Variants in SLC2A13 observed in about 807,000 individuals in gnomAD.
SLC2A13 encodes the protein solute carrier family 2 member 13, also known as proton myo-inositol cotransporter.
In SLC2A13, 32 loss-of-function variants were observed where a neutral mutation model predicts 64.4. The ratio of observed to expected loss-of-function variants is 0.50; its 90% confidence interval spans 0.37 to 0.67. SLC2A13 has a LOEUF of 0.67. Among genes scored for constraint, SLC2A13 ranks in the 30% least tolerant of loss-of-function variants. The pLI is 0.00. For synonymous variants in SLC2A13, 338 were observed against 327.1 expected, an observed-to-expected ratio of 1.03 and a Z score of -0.36; for missense variants, 743 against 829.2, an observed-to-expected ratio of 0.90 and a Z score of 1.28.
At chr12:39,809,899 G>C (rs1367732856) in intron 7 of SLC2A13, among the ~76,000 whole-genome samples, 1 of 152,128 alleles carries the variant, frequency 6.6e-6, no homozygotes, top group Non-Finnish European at 1.5e-5. Flanking sequence ...TCTTAATCCA[G>C]TCTATTATTG....
At chr12:39,850,371 T>C (rs1031740599) in intron 6 of SLC2A13, among the ~76,000 whole-genome samples, 8 of 152,210 alleles carry the variant, frequency 5.3e-5, no homozygotes, top group African/African-American at 1.9e-4. Context: ...CCTCTTGTAA[T>C]TGCTCTGCAG....
At chr12:39,884,810 C>T (rs1944430840) in intron 4 of SLC2A13, among the ~76,000 whole-genome samples, 1 of 152,054 alleles carries the variant, frequency 6.6e-6, no homozygotes. Context: ...TTTCTCATGT[C>T]CCAAGATTGA....
chr12:40,062,642 G>GA (rs1383248205), intron 1 of SLC2A13, among the ~76,000 whole-genome samples: 1 of 151,958 alleles, frequency 6.6e-6, no homozygotes, highest in Non-Finnish European at 1.5e-5. Flanking sequence ...ATTTCTAGAA[G>GA]AAAATTATAC....
intron 7 of SLC2A13, among the ~76,000 whole-genome samples, chr12:39,787,376 A>G (rs2135754897): frequency 1.3e-5 from 2 of 152,314 alleles, no homozygotes; most frequent in African/African-American, 4.8e-5. Flanking sequence ...AGCCCCAAGG[A>G]CAGAAAGGAA....
intron 1 of SLC2A13, among the ~76,000 whole-genome samples, chr12:40,093,058 C>T (rs1938819360): frequency 6.6e-6 from 1 of 152,208 alleles, no homozygotes; most frequent in Non-Finnish European, 1.5e-5. Context: ...CAAGTTCATC[C>T]TTGAGAGTCT....
At chr12:39,804,284 G>A (rs1469236864) in intron 7 of SLC2A13, among the ~76,000 whole-genome samples, 2 of 152,192 alleles carry the variant, frequency 1.3e-5, no homozygotes, top group East Asian at 3.9e-4. Flanking sequence ...AGTTATCAAG[G>A]ATAAATGTCA....
Position 40,051,659 on chromosome 12 carries a change from T to C in SLC2A13, c.557-3449A>G, listed in dbSNP as rs1353631057. 2.6e-5 allele frequency among the ~76,000 whole-genome samples: 4 copies of C among 151,802 alleles called. 1 individual carries two copies. Among genetic ancestry groups the C allele is most frequent in the Non-Finnish European group, 5.9e-5 (4 of 67,940 alleles). On this transcript the variant is annotated intron_variant, in intron 1 of 9. Coordinates refer to ENST00000280871, the MANE Select transcript of SLC2A13 (RefSeq NM_052885.4). The stretch of plus-strand genomic sequence containing the variant: ...TAGTGAATAAGTAAGTGAGAGTAGG[T>C]TGGAGATAGGGGAGAGTTGGGAGGT...
At chr12:40,073,207 G>A (rs1938030160) in intron 1 of SLC2A13, among the ~76,000 whole-genome samples, 1 of 133,200 alleles carries the variant, frequency 7.5e-6, no homozygotes, top group South Asian at 2.3e-4. Context: ...ATATAAATAA[G>A]CATAAACATA....
At chr12:40,063,792 C>A (rs1380315744) in intron 1 of SLC2A13, among the ~76,000 whole-genome samples, 1 of 151,972 alleles carries the variant, frequency 6.6e-6, no homozygotes, top group Non-Finnish European at 1.5e-5. Context: ...TCAGCTTACC[C>A]CAGAAAAATG....
intron 1 of SLC2A13, among the ~76,000 whole-genome samples, chr12:40,056,299 C>T (rs531723430): frequency 6.6e-6 from 1 of 151,976 alleles, no homozygotes; most frequent in Admixed American, 6.6e-5. Flanking sequence ...AAGAGAACAA[C>T]ACTGGATGAG....
chr12:40,029,038 T>A (rs1195477950), intron 2 of SLC2A13, among the ~76,000 whole-genome samples: 3 of 152,146 alleles, frequency 2.0e-5, no homozygotes, highest in African/African-American at 7.2e-5. Context: ...ATCATGTTCA[T>A]CATCATTAAC....
intron 1 of SLC2A13, among the ~76,000 whole-genome samples, chr12:40,104,545 G>A (rs1299364654): frequency 6.6e-6 from 1 of 152,086 alleles, no homozygotes; most frequent in Non-Finnish European, 1.5e-5. Flanking sequence ...GTTCCCAACT[G>A]GAAAGCAGGA....
At chr12:39,909,481 T>C (rs1488634483) in intron 4 of SLC2A13, among the ~76,000 whole-genome samples, 1 of 152,154 alleles carries the variant, frequency 6.6e-6, no homozygotes, top group Non-Finnish European at 1.5e-5. Flanking sequence ...AATATGTTCA[T>C]CTTTAATTTA....
At chr12:40,020,817 A>ACTAT (rs1390261718) in intron 3 of SLC2A13, among the ~76,000 whole-genome samples, 1 of 152,198 alleles carries the variant, frequency 6.6e-6, no homozygotes, top group Non-Finnish European at 1.5e-5. Flanking sequence ...TACGAAGCAG[A>ACTAT]CTATCACCTA....
intron 1 of SLC2A13, among the ~76,000 whole-genome samples, chr12:40,057,368 G>C (rs1039591684): frequency 5.3e-5 from 8 of 152,038 alleles, no homozygotes; most frequent in African/African-American, 1.9e-4. Context: ...TGATTTGCAA[G>C]GTTAATAAAA....
intron 4 of SLC2A13, among the ~76,000 whole-genome samples, chr12:39,889,502 C>T (rs1337780033): frequency 6.7e-5 from 10 of 150,220 alleles, no homozygotes; most frequent in Non-Finnish European, 1.3e-4. Context: ...GAGTAGAGGC[C>T]GACTTTACGC....
At chr12:39,903,845 G>T (rs1001224907) in intron 4 of SLC2A13, among the ~76,000 whole-genome samples, 1 of 152,094 alleles carries the variant, frequency 6.6e-6, no homozygotes. Context: ...GGAAAAGAAG[G>T]AAGATTGAGT....
In SLC2A13 at chr12:39,871,871, G is replaced by A. The variant is rs773186400; in HGVS notation, c.1125C>T (p.Phe375=). ...GCCAGACTCCCACAAGTGTGAAAAT[G>A]AAATTTGTGAAGGCTGTAACTGAAG... ...WLASVTAFTN[F]IFTLVGVWLV... Residue 375 remains phenylalanine (F), a synonymous_variant, in exon 5 of 10, where the codon TTC becomes TTT. Transcript: ENST00000280871. 1.9e-6 allele frequency: 3 copies of A among 1,612,392 alleles called. No homozygotes were observed. Among genetic ancestry groups the A allele is most frequent in the Admixed American group, 1.7e-5 (1 of 59,736 alleles).
chr12:40,038,414 G>T (rs1948025010), intron 2 of SLC2A13, among the ~76,000 whole-genome samples: 2 of 152,038 alleles, frequency 1.3e-5, no homozygotes, highest in African/African-American at 4.8e-5. Flanking sequence ...AGGATATGAT[G>T]AATTCTGGAG....
Sources: gnomAD v4.1 joint callset for allele counts (sites outside exome capture counted in the v4.1 genomes callset) on GRCh38, gnomAD v4.1.1 for gene constraint, MANE v1.5 for transcripts, NCBI Gene and HGNC (gene_info 2026-07-23, HGNC 2026-07-21) for gene names.